The following NALCN variants were observed in gnomAD, a reference collection of about 807,000 sequenced individuals.
NALCN encodes the protein sodium leak channel, non-selective, also known as sodium leak channel NALCN.
A neutral mutation model predicts 225.3 loss-of-function variants in NALCN; 111 were observed. The observed-to-expected ratio is 0.49, with a 90% confidence interval of 0.42 to 0.58. The LOEUF (loss-of-function observed/expected upper bound fraction) is 0.58, where lower values mean the gene tolerates loss of function less well. NALCN is among the 20% of genes least tolerant of loss of function. NALCN has a pLI of 0.00. For synonymous variants in NALCN, 764 were observed against 769.0 expected, an observed-to-expected ratio of 0.99 and a Z score of 0.11; for missense variants, 1,378 against 2,202.4, an observed-to-expected ratio of 0.63 and a Z score of 7.49.
At chr13:101,074,828 T>C (rs1385541726) in intron 35 of NALCN, among the ~76,000 whole-genome samples, 166 bp from the exon 36 acceptor site, 1 of 152,198 alleles carries the variant, frequency 6.6e-6, no homozygotes, top group Non-Finnish European at 1.5e-5. Context: ...AGGTGTATCA[T>C]TTGAAAGTTG....
chr13:101,188,759 A>G (rs577829690), intron 14 of NALCN, among the ~76,000 whole-genome samples: 1 of 138,502 alleles, frequency 7.2e-6, no homozygotes, highest in African/African-American at 2.9e-5. Flanking sequence ...ATCTCGGCTC[A>G]CTGCAACCCC....
intron 7 of NALCN, among the ~76,000 whole-genome samples, chr13:101,295,305 A>G (rs1425100265): frequency 1.3e-5 from 2 of 152,220 alleles, no homozygotes; most frequent in African/African-American, 4.8e-5. Flanking sequence ...TATAATGTAT[A>G]TCCCTTATTT....
At chr13:101,080,347 T>C (rs1349623617) in intron 34 of NALCN, among the ~76,000 whole-genome samples, 5 of 152,028 alleles carry the variant, frequency 3.3e-5, no homozygotes, top group African/African-American at 1.2e-4. Flanking sequence ...GTAAGATACA[T>C]ACTCAGCCAA....
chr13:101,148,820 T>A (rs2037486823), intron 15 of NALCN, among the ~76,000 whole-genome samples: 1 of 152,198 alleles, frequency 6.6e-6, no homozygotes, highest in Non-Finnish European at 1.5e-5. Flanking sequence ...TTTAGATATA[T>A]CCTGAAGGGT....
Position 101,104,364 on chromosome 13 carries a change from A to G in NALCN, c.2820T>C (p.Asp940=). The G allele has an allele frequency of 1.2e-6, 2 of 1,613,922 alleles. No homozygotes were observed. ...CAGCAGTTGGAGTGAAAAATAAGCCATCTGCCATAATCTTCAGATTAAGCT... is the reference window on the plus strand; with the variant it reads ...CAGCAGTTGGAGTGAAAAATAAGCCGTCTGCCATAATCTTCAGATTAAGCT... ...SIELNLKIMA[D]GLFFTPTAVI... is the part of the protein sequence containing the mutation. Residue 940 remains aspartate, a synonymous_variant, in exon 25 of 44, where the codon GAT becomes GAC. Coordinates refer to ENST00000251127, the MANE Select transcript of NALCN (RefSeq NM_052867.4). This position sits in a 1 kb window ranked among gnomAD's most constrained non-coding sequence, Gnocchi z 4.2.
intron 43 of NALCN, among the ~76,000 whole-genome samples, chr13:101,056,368 C>T (rs1044947069): frequency 6.9e-6 from 1 of 143,900 alleles, no homozygotes; most frequent in Non-Finnish European, 1.5e-5. Context: ...TCAAGTGATT[C>T]TCCTGCCTCA....
chr13:101,064,822 C>T (rs950325272), intron 40 of NALCN, among the ~76,000 whole-genome samples: 1 of 152,172 alleles, frequency 6.6e-6, no homozygotes, highest in Non-Finnish European at 1.5e-5. Context: ...TGCTAAGTTA[C>T]AGTAGCCCAA....
At chr13:101,106,551 T>G (rs1038098073) in intron 22 of NALCN, among the ~76,000 whole-genome samples, 2 of 152,174 alleles carry the variant, frequency 1.3e-5, no homozygotes, top group Non-Finnish European at 2.9e-5. Flanking sequence ...TACCCAAATC[T>G]CATCTTGAAT....
At chr13:101,185,152 AC>A (rs1198467751) in intron 14 of NALCN, among the ~76,000 whole-genome samples, 2 of 152,210 alleles carry the variant, frequency 1.3e-5, no homozygotes, top group African/African-American at 2.4e-5. Context: ...ATATGGGTCA[AC>A]AAAAAGTCAA....
At chr13:101,153,670 G>T (rs567303106) in intron 15 of NALCN, among the ~76,000 whole-genome samples, 1 of 152,102 alleles carries the variant, frequency 6.6e-6, no homozygotes, top group Non-Finnish European at 1.5e-5. Flanking sequence ...CAAAGTCAGC[G>T]TATTTCCCAT....
intron 7 of NALCN, among the ~76,000 whole-genome samples, chr13:101,306,763 AG>A (rs1434150149): frequency 6.6e-6 from 1 of 152,238 alleles, no homozygotes; most frequent in Non-Finnish European, 1.5e-5. Context: ...TGATACAGAA[AG>A]CGAGTTAAGC....
rs1190544092 is a variant in NALCN, at chr13:101,254,846, C to G, written c.1266+3597G>C. ...GCGGAGCTTGCAGTGAGCCGAGATC[C>G]CGCCACTGCACTCCAGCCTGGGCGA... On this transcript the variant is annotated intron_variant, in intron 11 of 43. Coordinates refer to ENST00000251127, the MANE Select transcript of NALCN (RefSeq NM_052867.4). Among the ~76,000 whole-genome samples the G allele has an allele frequency of 4.3e-5, 3 of 69,170 alleles. 1 individual carries two copies. Among genetic ancestry groups the G allele is most frequent in the African/African-American group, 8.1e-5 (2 of 24,632 alleles). The allele number at this position is 69,170 out of a possible 152,430, so 45.4% of individuals were successfully genotyped here. A position where few individuals can be genotyped will look rare whatever the true frequency, so the allele number is the denominator to read the frequency against.
At position 101,274,979 on chromosome 13, in the gene NALCN, T is replaced by A. The variant is rs575850827; in HGVS notation, c.1134+8954A>T. Among the ~76,000 whole-genome samples, 10 of 152,180 alleles carry A rather than the reference T, an allele frequency of 6.6e-5. 1 individual carries two copies. In the South Asian group the frequency reaches 1.7e-3, roughly 25 times the overall value. On this transcript the variant is annotated intron_variant, in intron 10 of 43. Coordinates refer to ENST00000251127, the MANE Select transcript of NALCN (RefSeq NM_052867.4). ...GTTCCAGCAGAGATGGGGCAAGGCTTTCAGAGAGGATTAAAAAGGGCGGTT... is the reference window on the plus strand; with the variant it reads ...GTTCCAGCAGAGATGGGGCAAGGCTATCAGAGAGGATTAAAAAGGGCGGTT...
intron 6 of NALCN, among the ~76,000 whole-genome samples, chr13:101,367,384 C>T (rs1292747233): frequency 6.6e-6 from 1 of 151,602 alleles, no homozygotes; most frequent in Non-Finnish European, 1.5e-5. Context: ...CATTTTCTCT[C>T]TTTTTTGACA....
intron 6 of NALCN, among the ~76,000 whole-genome samples, chr13:101,365,387 T>C (rs560111641): frequency 9.8e-5 from 15 of 152,286 alleles, no homozygotes; most frequent in Non-Finnish European, 2.1e-4. Flanking sequence ...TCATTCTTTC[T>C]CATGGCTGCA....
At chr13:101,164,746 T>C (rs906998081) in intron 15 of NALCN, among the ~76,000 whole-genome samples, 2 of 152,224 alleles carry the variant, frequency 1.3e-5, no homozygotes, top group Non-Finnish European at 2.9e-5. Flanking sequence ...GAATTTATTA[T>C]AAAAAGTCTA....
At position 101,110,606 on chromosome 13, in the gene NALCN, G is replaced by C; in HGVS notation, c.2364+13C>G. 6.2e-7 allele frequency: 1 copy of C among 1,613,432 alleles called. No homozygotes were observed. Among genetic ancestry groups the C allele is most frequent in the Non-Finnish European group, 8.5e-7 (1 of 1,179,536 alleles). On this transcript the variant is annotated intron_variant, in intron 20 of 43. Coordinates refer to ENST00000251127, the MANE Select transcript of NALCN (RefSeq NM_052867.4). ...TCACGTTTCTGAAATCCAAAGCATT[G>C]CTTAAAACTTACATCTTGAGTCAAA...
chr13:101,154,205 AG>A (rs1259206743), intron 15 of NALCN, among the ~76,000 whole-genome samples: 5 of 152,180 alleles, frequency 3.3e-5, no homozygotes, highest in Admixed American at 6.6e-5. Flanking sequence ...ATGAGGAAAC[AG>A]GTCCATGGAG....
In NALCN at chr13:101,161,624, C is replaced by T. The variant is rs570304053; in HGVS notation, c.1839+14676G>A. ...TGGTGGCTCATGCCTGTAATCCCAG[C>T]ACTTTGGGAGGCCAAGGCAGGCGGA... On this transcript the variant is annotated intron_variant, in intron 15 of 43. Coordinates refer to ENST00000251127, the MANE Select transcript of NALCN (RefSeq NM_052867.4). Among the ~76,000 whole-genome samples, 4 of 152,306 alleles carry T rather than the reference C, an allele frequency of 2.6e-5. No homozygotes were observed. The East Asian group carries it at 7.7e-4, about 29-fold the overall frequency.
Sources: allele counts gnomAD v4.1 joint callset (sites outside exome capture counted in the v4.1 genomes callset), GRCh38; gene constraint gnomAD v4.1.1; non-coding constraint Gnocchi (gnomAD v3.1); transcripts MANE v1.5; gene names NCBI Gene and HGNC (gene_info 2026-07-23, HGNC 2026-07-21).